RMP24: variants seen among roughly 807,000 people sequenced by gnomAD.
RMP24 encodes the protein ribonuclease MRP protein subunit p24.
chr18:35,973,759 A>T, the RMP24 span: 2 of 152,182 alleles, frequency 1.3e-5, no homozygotes, highest in Non-Finnish European at 2.9e-5. Context: ...TGTCTCTACT[A>T]AAAATACAAA....
chr18:35,974,751 CTTT>C, the RMP24 span: 1 of 761,950 alleles, frequency 1.3e-6, no homozygotes, highest in Non-Finnish European at 2.1e-6. Context: ...GCCAATTTAT[CTTT>C]TTGTAAATTT....
the RMP24 span, chr18:35,972,776 C>G: frequency 1.2e-6 from 2 of 1,614,018 alleles, no homozygotes; most frequent in Non-Finnish European, 1.7e-6. Context: ...GACTGCACGA[C>G]AGCTGCCCGG....
the RMP24 span, chr18:35,972,756 G>A: frequency 3.1e-6 from 5 of 1,613,500 alleles, no homozygotes; most frequent in Non-Finnish European, 4.2e-6. Flanking sequence ...CCTTGAGGCT[G>A]CAGCGCGGGG....
the RMP24 span, chr18:35,978,832 C>T: frequency 6.4e-7 from 1 of 1,571,708 alleles, no homozygotes; most frequent in East Asian, 2.3e-5. Flanking sequence ...TGTTTCTTTT[C>T]AGAACACCTA....
the RMP24 span, chr18:35,977,435 G>T: frequency 5.6e-6 from 9 of 1,613,356 alleles, no homozygotes; most frequent in Non-Finnish European, 6.8e-6. Flanking sequence ...ACATGCAACA[G>T]AACAGTGAAA....
the RMP24 span, among the ~76,000 whole-genome samples, chr18:35,977,221 CAA>C: frequency 7.1e-6 from 1 of 140,280 alleles, no homozygotes; most frequent in Non-Finnish European, 1.6e-5. Context: ...GACTCCGTCT[CAA>C]AAAAAAAAAA....
the RMP24 span, chr18:35,972,899 C>T: frequency 1.2e-6 from 2 of 1,614,194 alleles, no homozygotes; most frequent in East Asian, 2.2e-5. Flanking sequence ...GCCTACACTT[C>T]GTCGCACGGT....
At chr18:35,979,167 C>T in the RMP24 span, 5 of 635,538 alleles carry the variant, frequency 7.9e-6, no homozygotes, top group Non-Finnish European at 1.3e-5. Flanking sequence ...TACCTGAAAC[C>T]TGCCTACCTC....
the RMP24 span, chr18:35,972,758 A>G: frequency 6.2e-7 from 1 of 1,613,632 alleles, no homozygotes; most frequent in Non-Finnish European, 8.5e-7. Flanking sequence ...TTGAGGCTGC[A>G]GCGCGGGGAC....
chr18:35,977,722 A>C, the RMP24 span: 1 of 941,854 alleles, frequency 1.1e-6, no homozygotes, highest in Non-Finnish European at 1.5e-6. Context: ...TTTCCTCCAT[A>C]CCCTTTTCTA....
the RMP24 span, among the ~76,000 whole-genome samples, chr18:35,976,138 A>ATTTTTTTTTTTTT: frequency 2.7e-5 from 2 of 72,766 alleles, no homozygotes; most frequent in African/African-American, 5.3e-5. Flanking sequence ...TGTTTTTCTG[A>ATTTTTTTTTTTTT]TTTTTTTTTT....
chr18:35,973,259 T>A, the RMP24 span: 2 of 404,836 alleles, frequency 4.9e-6, no homozygotes, highest in Non-Finnish European at 9.2e-6. Flanking sequence ...CCCTTGGACC[T>A]CTTTTCTAGG....
At chr18:35,972,710 A>G in the RMP24 span, 20 of 1,600,604 alleles carry the variant, frequency 1.2e-5, no homozygotes, top group Non-Finnish European at 1.4e-5. Flanking sequence ...GCGGCGAGCC[A>G]GCGGCAGCGG....
the RMP24 span, among the ~76,000 whole-genome samples, chr18:35,976,776 C>A: frequency 6.6e-6 from 1 of 152,216 alleles, no homozygotes; most frequent in Non-Finnish European, 1.5e-5. Flanking sequence ...TTACAAAGAA[C>A]ATTCCTCCAG....
chr18:35,978,605 C>T, the RMP24 span, among the ~76,000 whole-genome samples: 1,637 of 152,020 alleles, frequency 0.011, 14 homozygotes, highest in Non-Finnish European at 0.018. Flanking sequence ...AGCGAGACTC[C>T]GTCTCCAAAA....
At chr18:35,979,063 T>G in the RMP24 span, 1 of 1,472,398 alleles carries the variant, frequency 6.8e-7, no homozygotes, top group Non-Finnish European at 9.1e-7. Context: ...TTTAAACTCT[T>G]ATTCATTTTT....
At chr18:35,975,174 T>C in the RMP24 span, 4 of 1,125,068 alleles carry the variant, frequency 3.6e-6, no homozygotes, top group Non-Finnish European at 5.0e-6. Flanking sequence ...AGAATCAGCC[T>C]CAGTATAACT....
At chr18:35,974,980 A>G in the RMP24 span, 4 of 1,614,148 alleles carry the variant, frequency 2.5e-6, no homozygotes, top group Non-Finnish European at 3.4e-6. Flanking sequence ...CTCAAACCCA[A>G]AGCCAGGTTG....
the RMP24 span, chr18:35,978,867 G>T: frequency 7.4e-6 from 12 of 1,610,824 alleles, no homozygotes; most frequent in Non-Finnish European, 1.0e-5. Flanking sequence ...GTATCTACTT[G>T]CTCCTCAAAG....
Sources: gnomAD v4.1 joint callset for allele counts (sites outside exome capture counted in the v4.1 genomes callset) on GRCh38, gnomAD v4.1.1 for gene constraint, MANE v1.5 for transcripts, NCBI Gene and HGNC (gene_info 2026-07-23, HGNC 2026-07-21) for gene names.